EPHA10: variants seen among roughly 807,000 people sequenced by gnomAD.
EPHA10 encodes the protein EPH receptor A10, also known as ephrin type-A receptor 10.
In EPHA10, 120 loss-of-function variants were observed where a neutral mutation model predicts 109.7. That is an observed-to-expected ratio of 1.09 (90% CI 0.94 to 1.27). The LOEUF (loss-of-function observed/expected upper bound fraction) is 1.27, where lower values mean the gene tolerates loss of function less well. Among genes scored for constraint, EPHA10 ranks in the 50% most tolerant of loss-of-function variants. The pLI is 0.00. For missense variants in EPHA10, 1,396 were observed against 1,411.1 expected, an observed-to-expected ratio of 0.99 and a Z score of 0.17; for synonymous variants, 640 against 618.9, an observed-to-expected ratio of 1.03 and a Z score of -0.51.
chr1:37,743,953 T>C (rs1646193122), intron 5 of EPHA10, among the ~76,000 whole-genome samples: 1 of 152,172 alleles, frequency 6.6e-6, no homozygotes, highest in African/African-American at 2.4e-5. Flanking sequence ...TAGTGCACAT[T>C]GTTTTAAAGT....
intron 5 of EPHA10, among the ~76,000 whole-genome samples, chr1:37,750,021 C>T (rs1436738528): frequency 5.3e-5 from 8 of 152,248 alleles, no homozygotes; most frequent in East Asian, 3.9e-4. Flanking sequence ...TTATATGGTG[C>T]ATGACTGTAT....
Position 37,753,209 on chromosome 1 carries a change from G to A in EPHA10, c.1024C>T (p.Arg342Trp). ...ASCTRPPSAP[R>W]DLQYSLSRSP... ...CGGCTCAGGCTGTACTGCAGGTCCC[G>A]CGGCGCCGACGGCGGCCCTGAGGCG... is the stretch of plus-strand genomic sequence containing the variant. The change falls in exon 5 of 17, where the codon CGG becomes TGG. Residue 342 changes from arginine (R) to tryptophan (W), a missense_variant. Coordinates refer to ENST00000373048, the MANE Select transcript of EPHA10 (RefSeq NM_001099439.2). 1.5e-6 allele frequency: 2 copies of A among 1,338,196 alleles called. No homozygotes were observed. Among genetic ancestry groups the A allele is most frequent in the Non-Finnish European group, 9.5e-7 (1 of 1,048,788 alleles). 82.9% of individuals were successfully genotyped at this position (1,338,196 alleles called of 1,614,324 possible). A position where few individuals can be genotyped will look rare whatever the true frequency, so the allele number is the denominator to read the frequency against.
In EPHA10 at chr1:37,717,445, C is replaced by T. The variant is rs967255336; in HGVS notation, c.*927G>A. 2 of 232,038 alleles carry T rather than the reference C, an allele frequency of 8.6e-6. No individual in the cohort carries two copies. The highest frequency in any genetic ancestry group is 2.2e-5 in the African/African-American group (1 of 45,250). 14.4% of individuals were successfully genotyped at this position (232,038 alleles called of 1,614,324 possible). A position where few individuals can be genotyped will look rare whatever the true frequency, so the allele number is the denominator to read the frequency against. On this transcript the variant is annotated 3_prime_UTR_variant, in exon 17 of 17. Coordinates refer to ENST00000373048, the MANE Select transcript of EPHA10 (RefSeq NM_001099439.2). ...GCTCTGCTCCTGACTCCTCACTTGG[C>T]CTCAGTTTCCCCCATCTGTACACTG...
intron 3 of EPHA10, among the ~76,000 whole-genome samples, chr1:37,757,647 GT>G: frequency 6.6e-6 from 1 of 152,114 alleles, no homozygotes; most frequent in East Asian, 1.9e-4. Context: ...ATCAGACATG[GT>G]TTGGGTTCCT....
chr1:37,748,119 G>A (rs1646267045), intron 5 of EPHA10, among the ~76,000 whole-genome samples: 1 of 152,192 alleles, frequency 6.6e-6, no homozygotes, highest in Admixed American at 6.5e-5. Flanking sequence ...AGCACTTTGG[G>A]AAGCCAAGGC....
rs749841610 is a variant in EPHA10 at position 37,761,841 on chromosome 1, G to T, written c.414C>A (p.Gly138=). 9 of 1,613,242 alleles carry T rather than the reference G, an allele frequency of 5.6e-6. No individual in the cohort carries two copies. In the South Asian group the frequency reaches 9.9e-5, roughly 18 times the overall value. The change falls in exon 3 of 17, where the codon GGC becomes GGA. Residue 138 remains glycine (G), a synonymous_variant. Coordinates refer to ENST00000373048, the MANE Select transcript of EPHA10 (RefSeq NM_001099439.2). ...VYYLETEADL[G]RGRPRLGGSR... ...TGCCGCCTAGGCGGGGACGCCCACG[G>T]CCCAGGTCGGCCTCAGTTTCCAGGT... is the stretch of plus-strand genomic sequence containing the variant.
At chr1:37,760,043 G>A (rs1030691221) in intron 3 of EPHA10, among the ~76,000 whole-genome samples, 2 of 152,156 alleles carry the variant, frequency 1.3e-5, no homozygotes, top group African/African-American at 4.8e-5. Flanking sequence ...AATGCAGCTG[G>A]CACATCCTCA....
At chr1:37,728,596 T>C (rs944808236) in intron 7 of EPHA10, among the ~76,000 whole-genome samples, 1 of 151,876 alleles carries the variant, frequency 6.6e-6, no homozygotes, top group Non-Finnish European at 1.5e-5. Flanking sequence ...GGAATGAGGG[T>C]TGGCAGAGTT....
intron 8 of EPHA10, among the ~76,000 whole-genome samples, chr1:37,725,376 C>T (rs1277366216): frequency 5.3e-5 from 8 of 151,828 alleles, no homozygotes; most frequent in East Asian, 1.9e-4. Context: ...TATGGTGGCA[C>T]GGGCCTGTAG....
rs558658667 is a variant in EPHA10 at position 37,757,277 on chromosome 1, C to T, written c.851-2907G>A. Among the ~76,000 whole-genome samples the T allele has an allele frequency of 3.9e-5, 6 of 152,300 alleles. 1 individual carries two copies. Among genetic ancestry groups the T allele is most frequent in the African/African-American group, 9.6e-5 (4 of 41,564 alleles). ...AACAAAAAGGGGAAAAGAACATATT[C>T]GTTCTATTCCCCCACTTATCCATCT... On this transcript the variant is annotated intron_variant, in intron 3 of 16. Coordinates refer to ENST00000373048, the MANE Select transcript of EPHA10 (RefSeq NM_001099439.2).
chr1:37,725,602 G>GT (rs1284255122), intron 8 of EPHA10, among the ~76,000 whole-genome samples: 1 of 151,402 alleles, frequency 6.6e-6, no homozygotes, highest in Non-Finnish European at 1.5e-5. Flanking sequence ...GGAATGAGAA[G>GT]TCCAAGAACC....
At chr1:37,747,552 C>CCA (rs750208854) in intron 5 of EPHA10, among the ~76,000 whole-genome samples, 3 of 108,570 alleles carry the variant, frequency 2.8e-5, no homozygotes, top group African/African-American at 1.0e-4. Flanking sequence ...GAAACTGTCT[C>CCA]AAAAAAAAAA....
At chr1:37,719,144 T>C (rs1200069087) in intron 15 of EPHA10, 31 of 592,856 alleles carry the variant, frequency 5.2e-5, no homozygotes, top group Non-Finnish European at 8.7e-5. Context: ...GAACTACAAA[T>C]GTGTTAGGGC....
chr1:37,715,854 C>A (rs570016305), downstream of EPHA10: 15 of 544,890 alleles, frequency 2.8e-5, no homozygotes, highest in Non-Finnish European at 4.3e-5. Flanking sequence ...GTTGGACTCA[C>A]CTCTATGCAG....
At chr1:37,733,863 G>T (rs992872795) in intron 6 of EPHA10, among the ~76,000 whole-genome samples, 1 of 151,834 alleles carries the variant, frequency 6.6e-6, no homozygotes, top group Admixed American at 6.6e-5. Context: ...CTTCAGACCT[G>T]CAAGTCTACC....
rs1402958107 is a variant in EPHA10, at chr1:37,753,138, C to T, written c.1095G>A (p.Ser365=). 3 of 1,407,302 alleles carry T rather than the reference C, an allele frequency of 2.1e-6. No homozygotes were observed. Among genetic ancestry groups the T allele is most frequent in the South Asian group, 3.0e-5 (2 of 67,768 alleles). The allele number at this position is 1,407,302 out of a possible 1,614,324, so 87.2% of individuals were successfully genotyped here. ...LRLRWLPPAD[S]GGRSDVTYSL... is the part of the protein sequence containing the mutation. ...AGTAGGTGACGTCCGAGCGGCCTCC[C>T]GAGTCGGCCGGCGGCAGCCAGCGCA... Residue 365 remains serine (S), a synonymous_variant, in exon 5 of 17, where the codon TCG becomes TCA. Transcript: ENST00000373048.
chr1:37,760,233 A>G (rs1416797330), intron 3 of EPHA10: 7 of 1,000,868 alleles, frequency 7.0e-6, no homozygotes, highest in Non-Finnish European at 8.4e-6. Flanking sequence ...ACTATGTCTG[A>G]CTCATTTCTG....
Position 37,761,474 on chromosome 1 carries a change from CGCCGTCG to C in EPHA10, c.774_780del (p.Asp259SerfsTer88), listed in dbSNP as rs1557560642. ...CAGCGGCCCACAGGCACCAGCCACTCGCCGTCGGCGCCGCAGTGCATGCGTGGGGGGC... is the reference window on the plus strand; with the variant it reads ...CAGCGGCCCACAGGCACCAGCCACTCGCGCCGCAGTGCATGCGTGGGGGGC... On this transcript the variant is annotated frameshift_variant, in exon 3 of 17. Transcript: ENST00000373048. LOFTEE classifies it high-confidence loss of function. The C allele has an allele frequency of 2.5e-6, 4 of 1,600,156 alleles. No individual in the cohort carries two copies. The highest frequency in any genetic ancestry group is 3.4e-6 in the Non-Finnish European group (4 of 1,179,558).
rs780310300 is a variant in EPHA10 at position 37,720,032 on chromosome 1, G to C, written c.2439C>G (p.Ala813=). 6 of 1,613,628 alleles carry C rather than the reference G, an allele frequency of 3.7e-6. No individual in the cohort carries two copies. The highest frequency in any genetic ancestry group is 3.3e-5 in the South Asian group (3 of 91,082). ...GGCCAAACTGAAGTGTCTCGGGAGC[G>C]GCCCATAGCGCTGGGCTCCGGCCAC... The part of the protein sequence containing the change: ...TMSGRSPALW[A]APETLQFGHF... Residue 813 remains alanine (A), a synonymous_variant, in exon 14 of 17, where the codon GCC becomes GCG. Transcript: ENST00000373048.
Sources: allele counts gnomAD v4.1 joint callset (sites outside exome capture counted in the v4.1 genomes callset), GRCh38; gene constraint gnomAD v4.1.1; transcripts MANE v1.5; gene names NCBI Gene and HGNC (gene_info 2026-07-23, HGNC 2026-07-21).